ADAMTSL1: variants seen among roughly 807,000 people sequenced by gnomAD.
ADAMTSL1 encodes the protein ADAMTS-like protein 1.
A neutral mutation model predicts 201.8 loss-of-function variants in ADAMTSL1; 126 were observed. The ratio of observed to expected loss-of-function variants is 0.62; its 90% CI spans 0.54 to 0.72. ADAMTSL1 has a LOEUF of 0.72. Ranked by LOEUF, ADAMTSL1 falls within the 30% of genes least tolerant of loss-of-function variation. The pLI, the probability that ADAMTSL1 is intolerant of heterozygous loss-of-function variation, is 0.00. For synonymous variants in ADAMTSL1, 1,121 were observed against 903.4 expected (o/e 1.24, Z -4.32); for missense variants, 2,679 against 2,277.8 (o/e 1.18, Z -3.59).
chr9:18,462,960 A>T (rs1431047187), intron 2 of ADAMTSL1, among the ~76,000 whole-genome samples: 1 of 151,944 alleles, frequency 6.6e-6, no homozygotes, highest in African/African-American at 2.4e-5. Flanking sequence ...AATAAAAATA[A>T]AAAATAAAAT....
At chr9:18,210,158 T>C (rs1480196597) in intron 2 of ADAMTSL1, among the ~76,000 whole-genome samples, 4 of 151,942 alleles carry the variant, frequency 2.6e-5, no homozygotes, top group African/African-American at 9.7e-5. Flanking sequence ...CCCAAGAGAA[T>C]GAGCACATAC....
intron 15 of ADAMTSL1, among the ~76,000 whole-genome samples, chr9:18,738,221 T>C (rs1818629426): frequency 6.6e-6 from 1 of 152,194 alleles, no homozygotes; most frequent in Admixed American, 6.5e-5. Flanking sequence ...CTTACAGCCG[T>C]GCTGTGAGAA....
chr9:18,657,274 A>G (rs1030230394), intron 7 of ADAMTSL1, among the ~76,000 whole-genome samples: 1 of 152,220 alleles, frequency 6.6e-6, no homozygotes, highest in South Asian at 2.1e-4. Flanking sequence ...CAAATTGTCT[A>G]TTTCTGAATC....
At position 18,729,405 on chromosome 9, in the gene ADAMTSL1, A is replaced by G. The variant is rs1203377163; in HGVS notation, c.2006+7740A>G. ...AAAACAGGAACTGGCTTTAACTATA[A>G]AGAGCCACGAGAAGTCTGCAGGGAG... On this transcript the variant is annotated intron_variant, in intron 15 of 28. Transcript: ENST00000380548. Among the ~76,000 whole-genome samples the G allele has an allele frequency of 6.6e-5, 10 of 152,356 alleles. No homozygotes were observed. The East Asian group carries it at 1.9e-3, about 29-fold the overall frequency.
intron 15 of ADAMTSL1, among the ~76,000 whole-genome samples, chr9:18,747,158 TAGGCATGCAGGAGCC>T (rs1396618557): frequency 6.6e-6 from 1 of 152,166 alleles, no homozygotes; most frequent in Non-Finnish European, 1.5e-5. Flanking sequence ...ATATAATAAT[TAGGCATGCAGGAGCC>T]AGGCCGCCTA....
At chr9:18,565,662 C>T (rs1450084498) in intron 3 of ADAMTSL1, among the ~76,000 whole-genome samples, 1 of 151,280 alleles carries the variant, frequency 6.6e-6, no homozygotes, top group Non-Finnish European at 1.5e-5. Flanking sequence ...TCCTCCAAAA[C>T]TGACCCCACT....
chr9:18,482,819 G>T (rs1821795578), intron 1 of ADAMTSL1, among the ~76,000 whole-genome samples: 1 of 152,146 alleles, frequency 6.6e-6, no homozygotes, highest in South Asian at 2.1e-4. Context: ...TACTGTTCAG[G>T]TGTGCTTAAG....
rs145210982 is a variant in ADAMTSL1, at chr9:18,443,822, A to G, written c.208-61007A>G. ...AGAAAAGCTAGGACTTTCTCTGTAC[A>G]TAGACTATAATATTGTCAACATGCA... On this transcript the variant is annotated intron_variant, in intron 2 of 29. Transcript: ENST00000680146. 6.0e-3 allele frequency among the ~76,000 whole-genome samples: 916 copies of G among 152,330 alleles called. 8 individuals are homozygous for G. Among genetic ancestry groups the G allele is most frequent in the African/African-American group, 0.021 (875 of 41,578 alleles).
intron 1 of ADAMTSL1, among the ~76,000 whole-genome samples, chr9:18,145,001 CAG>C (rs1201644641): frequency 6.6e-6 from 1 of 152,140 alleles, no homozygotes. Context: ...AGTGTCCAAA[CAG>C]AGATTGTGGG....
At chr9:18,337,340 G>T (rs183777844) in intron 2 of ADAMTSL1, among the ~76,000 whole-genome samples, 2 of 152,050 alleles carry the variant, frequency 1.3e-5, no homozygotes. Flanking sequence ...TGAGGTTTTG[G>T]GACTTGGACG....
chr9:18,762,385 T>C (rs1046867607), intron 16 of ADAMTSL1, among the ~76,000 whole-genome samples: 1 of 152,238 alleles, frequency 6.6e-6, no homozygotes, highest in Non-Finnish European at 1.5e-5. Context: ...TTGTGGGTAA[T>C]AGTATATGTA....
chr9:18,456,166 C>A (rs1368534130), intron 2 of ADAMTSL1, among the ~76,000 whole-genome samples: 1 of 152,142 alleles, frequency 6.6e-6, no homozygotes, highest in Non-Finnish European at 1.5e-5. Context: ...TATTAATCAT[C>A]TTCATTGACT....
chr9:18,006,740 G>A (rs1341037381), intron 1 of ADAMTSL1, among the ~76,000 whole-genome samples: 1 of 151,962 alleles, frequency 6.6e-6, no homozygotes. Context: ...ATGACCAGAA[G>A]CAGAGTCTGT....
At chr9:18,788,618 C>T (rs1821847598) in intron 19 of ADAMTSL1, among the ~76,000 whole-genome samples, 1 of 152,164 alleles carries the variant, frequency 6.6e-6, no homozygotes, top group Non-Finnish European at 1.5e-5. Context: ...AAAGCATATA[C>T]ATTTGCCTAT....
chr9:18,722,383 A>T (rs964829275), intron 15 of ADAMTSL1, among the ~76,000 whole-genome samples: 3 of 152,196 alleles, frequency 2.0e-5, no homozygotes, highest in African/African-American at 7.2e-5. Context: ...CAGACTTTCA[A>T]ATCTGCTGAT....
chr9:18,699,693 A>G (rs929115349), intron 13 of ADAMTSL1, among the ~76,000 whole-genome samples: 14 of 152,220 alleles, frequency 9.2e-5, no homozygotes, highest in African/African-American at 3.1e-4. Flanking sequence ...AATATTAGAC[A>G]GGGACACTCA....
At chr9:18,708,640 G>A (rs1832370338) in intron 14 of ADAMTSL1, among the ~76,000 whole-genome samples, 1 of 152,302 alleles carries the variant, frequency 6.6e-6, no homozygotes, top group South Asian at 2.1e-4. Context: ...CATAGCAGAT[G>A]ACTCAGCATT....
intron 14 of ADAMTSL1, among the ~76,000 whole-genome samples, chr9:18,711,087 A>C (rs1241057545): frequency 6.6e-6 from 1 of 152,270 alleles, no homozygotes; most frequent in African/African-American, 2.4e-5. Context: ...CAGCTGCAGA[A>C]GCCTGAAAAT....
chr9:18,770,638 G>A lies in ADAMTSL1; in HGVS notation c.2254G>A (p.Glu752Lys), dbSNP rs918606696. 1.2e-6 allele frequency: 2 copies of A among 1,613,440 alleles called. No individual in the cohort carries two copies. The highest frequency in any genetic ancestry group is 4.5e-5 in the East Asian group (2 of 44,864). Residue 752 changes from glutamate to lysine, a missense_variant, in exon 17 of 29, where the codon GAG (glutamate) becomes AAG (lysine). Glu to Lys is a moderately conservative substitution (Grantham distance 56). Coordinates refer to ENST00000380548, the MANE Select transcript of ADAMTSL1 (RefSeq NM_001040272.6). Reference protein sequence around the residue: ...RTCGGGVQKREVLCKQRMADG... With the variant: ...RTCGGGVQKRKVLCKQRMADG... Reference sequence around the variant, plus strand: ...GTGTGGCGGGGGTGTTCAGAAACGTGAGGTTCTTTGCAAGCAGCGCATGGC... The same window carrying A: ...GTGTGGCGGGGGTGTTCAGAAACGTAAGGTTCTTTGCAAGCAGCGCATGGC...
Sources: gnomAD v4.1 joint callset for allele counts (sites outside exome capture counted in the v4.1 genomes callset) on GRCh38, gnomAD v4.1.1 for gene constraint, MANE v1.5 for transcripts, NCBI Gene and HGNC (gene_info 2026-07-23, HGNC 2026-07-21) for gene names.